Variants in FOXP1 observed in about 807,000 individuals in gnomAD.
FOXP1 encodes forkhead box P1, also known as forkhead box protein P1.
In FOXP1, 15 loss-of-function variants were observed where a neutral mutation model predicts 98.2. The ratio of observed to expected loss-of-function variants is 0.15; its 90% CI spans 0.10 to 0.24. The LOEUF is 0.24. Among genes scored for constraint, FOXP1 ranks in the 10% least tolerant of loss-of-function variants. The pLI, the probability that FOXP1 is intolerant of heterozygous loss-of-function variation, is 1.00. For missense variants in FOXP1, 633 were observed against 848.5 expected, an observed-to-expected ratio of 0.75 and a Z score of 3.15; for synonymous variants, 371 against 314.5, an observed-to-expected ratio of 1.18 and a Z score of -1.90.
intron 2 of FOXP1, among the ~76,000 whole-genome samples, chr3:71,549,882 A>C (rs1482061129): frequency 2.0e-5 from 3 of 150,892 alleles, no homozygotes; most frequent in Non-Finnish European, 4.4e-5. Context: ...AAAAAAAAAA[A>C]AAAACGCTCT....
intron 3 of FOXP1, among the ~76,000 whole-genome samples, chr3:71,382,097 C>T (rs949298924): frequency 6.6e-6 from 1 of 152,222 alleles, no homozygotes; most frequent in East Asian, 1.9e-4. Flanking sequence ...CATGGCGAGA[C>T]CCTGTCTCTA....
intron 6 of FOXP1, among the ~76,000 whole-genome samples, chr3:71,120,705 G>A (rs1421947795): frequency 6.6e-6 from 1 of 152,140 alleles, no homozygotes; most frequent in African/African-American, 2.4e-5. Context: ...GGGGACGGTG[G>A]GGAAGAGGTA....
intron 6 of FOXP1, among the ~76,000 whole-genome samples, chr3:71,165,804 T>C (rs2061373045): frequency 6.6e-6 from 1 of 151,858 alleles, no homozygotes; most frequent in African/African-American, 2.4e-5. Flanking sequence ...CTTGGAGGTC[T>C]GTGCAAAATT....
chr3:71,181,499 T>G (rs1026482028), intron 6 of FOXP1, among the ~76,000 whole-genome samples: 1 of 152,100 alleles, frequency 6.6e-6, no homozygotes, highest in Non-Finnish European at 1.5e-5. Flanking sequence ...ACTCATCGAG[T>G]GTAGGCGCTG....
chr3:71,336,968 G>C (rs889175662), intron 4 of FOXP1, among the ~76,000 whole-genome samples: 1 of 152,160 alleles, frequency 6.6e-6, no homozygotes. Flanking sequence ...ATCTCTGAAA[G>C]GTGGTAAAGT....
intron 11 of FOXP1, among the ~76,000 whole-genome samples, chr3:71,018,160 C>T (rs902534069): frequency 6.6e-6 from 1 of 152,138 alleles, no homozygotes; most frequent in African/African-American, 2.4e-5. Flanking sequence ...GTTTGCTGTT[C>T]CCCTTCCTGT....
chr3:71,265,988 A>C (rs1337704518), intron 5 of FOXP1, among the ~76,000 whole-genome samples: 1 of 152,172 alleles, frequency 6.6e-6, no homozygotes, highest in African/African-American at 2.4e-5. Context: ...CGTCTTGACC[A>C]ACCAGGCACA....
chr3:71,117,247 C>T (rs1028854370), intron 6 of FOXP1, among the ~76,000 whole-genome samples: 1 of 152,130 alleles, frequency 6.6e-6, no homozygotes, highest in African/African-American at 2.4e-5. Context: ...GCCACCACAT[C>T]CAACTAATTT....
At chr3:71,139,039 T>G (rs1388158128) in intron 6 of FOXP1, among the ~76,000 whole-genome samples, 2 of 152,166 alleles carry the variant, frequency 1.3e-5, no homozygotes, top group Non-Finnish European at 2.9e-5. Context: ...AAAATAAAAA[T>G]ACAAATGCAA....
At chr3:71,288,029 C>T (rs1340328760) in intron 5 of FOXP1, among the ~76,000 whole-genome samples, 4 of 151,750 alleles carry the variant, frequency 2.6e-5, no homozygotes, top group Non-Finnish European at 4.4e-5. Context: ...TACAGGCATG[C>T]GCCACCACGC....
intron 6 of FOXP1, among the ~76,000 whole-genome samples, chr3:71,163,520 A>G (rs2061248486): frequency 6.6e-6 from 1 of 152,208 alleles, no homozygotes; most frequent in African/African-American, 2.4e-5. Context: ...TCTCTTGCAT[A>G]GCAAACGTGG....
At chr3:71,547,309 A>G (rs1212652337) in intron 2 of FOXP1, among the ~76,000 whole-genome samples, 1 of 152,196 alleles carries the variant, frequency 6.6e-6, no homozygotes, top group Non-Finnish European at 1.5e-5. Context: ...TCAAGGAACA[A>G]ACAGTGCAGG....
chr3:71,336,868 G>A (rs141277945), intron 4 of FOXP1, among the ~76,000 whole-genome samples: 92 of 152,290 alleles, frequency 6.0e-4, no homozygotes, highest in African/African-American at 2.1e-3. Context: ...CAATGTGCAG[G>A]AGATAGAGAA....
chr3:71,332,451 T>G (rs910243086), intron 4 of FOXP1: 1 of 178,636 alleles, frequency 5.6e-6, no homozygotes, highest in African/African-American at 2.4e-5. Context: ...TTGAAGTCAG[T>G]GAGACCAAGA....
chr3:71,261,226 G>C (rs2069109987), intron 5 of FOXP1, among the ~76,000 whole-genome samples: 1 of 151,922 alleles, frequency 6.6e-6, no homozygotes, highest in African/African-American at 2.4e-5. Context: ...ATTAAGGTTT[G>C]GGCTATATTC....
At chr3:71,033,087 C>A (rs1175058792) in intron 11 of FOXP1, among the ~76,000 whole-genome samples, 1 of 152,144 alleles carries the variant, frequency 6.6e-6, no homozygotes, top group African/African-American at 2.4e-5. Context: ...TCCCTCACAC[C>A]CCTGGTGTGG....
upstream of FOXP1, chr3:71,583,837 C>A (rs868683154): frequency 4.1e-6 from 4 of 987,428 alleles, no homozygotes; most frequent in Non-Finnish European, 4.8e-6. Context: ...GAGGCGCGGG[C>A]AGCACCGGCC....
At chr3:71,284,238 C>T (rs1164025498) in intron 5 of FOXP1, among the ~76,000 whole-genome samples, 2 of 151,984 alleles carry the variant, frequency 1.3e-5, no homozygotes, top group African/African-American at 4.8e-5. Context: ...CTGATTTTCC[C>T]CCCTCTAGAA....
At chr3:71,352,118 C>T (rs778303392) in intron 4 of FOXP1, among the ~76,000 whole-genome samples, 56 of 152,032 alleles carry the variant, frequency 3.7e-4, no homozygotes, top group African/African-American at 8.9e-4. Context: ...GCCTGCAAGT[C>T]GATAACCCCA....
Sources: gnomAD v4.1 joint callset for allele counts (sites outside exome capture counted in the v4.1 genomes callset) on GRCh38, gnomAD v4.1.1 for gene constraint, MANE v1.5 for transcripts, NCBI Gene and HGNC (gene_info 2026-07-23, HGNC 2026-07-21) for gene names.